The following FGF13 variants were observed in gnomAD, a reference collection of about 807,000 sequenced individuals.
The protein encoded by FGF13 is fibroblast growth factor homologous factor 2.
FGF13 carries 2 observed loss-of-function variants against 19.5 expected under a neutral mutation model. The observed-to-expected ratio is 0.10, with a 90% CI of 0.04 to 0.32. FGF13 has a LOEUF of 0.32. FGF13 is among the 10% of genes least tolerant of loss of function. The pLI, the probability that FGF13 is intolerant of heterozygous loss-of-function variation, is 1.00. For missense variants in FGF13, 113 were observed against 192.7 expected, an observed-to-expected ratio of 0.59 and a Z score of 2.45; for synonymous variants, 72 against 76.9, an observed-to-expected ratio of 0.94 and a Z score of 0.33.
chrX:138,923,693 T>A (rs183657071), intron 1 of FGF13, among the ~76,000 whole-genome samples: 37 of 112,012 alleles, frequency 3.3e-4, no homozygotes, highest in African/African-American at 1.2e-3. Flanking sequence ...ATATGTCTCC[T>A]CCTCTTTCAC....
intron 3 of FGF13, among the ~76,000 whole-genome samples, chrX:138,809,585 GT>G (rs2090903614): frequency 9.0e-6 from 1 of 111,448 alleles, no homozygotes; most frequent in Non-Finnish European, 1.9e-5. Flanking sequence ...AGTGTTTGAA[GT>G]TCTGGCCAGG....
intron 3 of FGF13, among the ~76,000 whole-genome samples, chrX:138,693,755 C>T (rs951187712): frequency 2.7e-5 from 3 of 111,416 alleles, no homozygotes; most frequent in Admixed American, 9.5e-5. Flanking sequence ...AGTTAAAATA[C>T]CTTTGTGCCT....
intron 3 of FGF13, among the ~76,000 whole-genome samples, chrX:138,769,284 G>C (rs1288856662): frequency 9.0e-6 from 1 of 111,206 alleles, no homozygotes; most frequent in African/African-American, 3.3e-5. Context: ...GTAACATGGC[G>C]GGGTGGTTAA....
intron 1 of FGF13, among the ~76,000 whole-genome samples, chrX:138,898,220 C>T (rs2091513670): frequency 8.9e-6 from 1 of 111,844 alleles, no homozygotes; most frequent in African/African-American, 3.2e-5. Context: ...GAACAGCATT[C>T]CATTGCACAC....
chrX:138,756,574 T>C (rs1240338736), intron 3 of FGF13, among the ~76,000 whole-genome samples: 1 of 112,701 alleles, frequency 8.9e-6, no homozygotes, highest in African/African-American at 3.2e-5. Context: ...GCAAGGACCC[T>C]TGCCAGTGCC....
intron 3 of FGF13, among the ~76,000 whole-genome samples, chrX:138,638,294 T>G (rs1284059496): frequency 8.9e-6 from 1 of 112,174 alleles, no homozygotes; most frequent in Non-Finnish European, 1.9e-5. Context: ...TCTTCCAGTG[T>G]CATTCACCAC....
At chrX:138,708,558 C>A (rs1033414836) in intron 2 of FGF13, among the ~76,000 whole-genome samples, 2 of 111,821 alleles carry the variant, frequency 1.8e-5, no homozygotes, top group African/African-American at 6.5e-5. Flanking sequence ...CAAAGGATAG[C>A]CATAAATCTA....
intron 1 of FGF13, among the ~76,000 whole-genome samples, chrX:138,907,083 CG>C (rs1459183649): frequency 6.3e-5 from 7 of 111,317 alleles, no homozygotes; most frequent in African/African-American, 2.3e-4. Context: ...TTGGCTAGGA[CG>C]GTAGAGTTAG....
chrX:139,019,051 A>C (rs907528780), intron 1 of FGF13, among the ~76,000 whole-genome samples: 1 of 111,496 alleles, frequency 9.0e-6, no homozygotes, highest in Non-Finnish European at 1.9e-5. Context: ...TAAGCTGTAC[A>C]TTTCATAGAA....
At chrX:138,759,448 G>C (rs1602796815) in intron 3 of FGF13, among the ~76,000 whole-genome samples, 1 of 112,530 alleles carries the variant, frequency 8.9e-6, no homozygotes, top group Middle Eastern at 4.6e-3. Context: ...CTGTTTCTCT[G>C]AACAAGCAAA....
chrX:138,990,124 T>C (rs1258132809), intron 1 of FGF13, among the ~76,000 whole-genome samples: 7 of 111,179 alleles, frequency 6.3e-5, no homozygotes, highest in Admixed American at 3.8e-4. Context: ...TTTCCAGAAA[T>C]ACACTGAATG....
chrX:138,850,668 G>A (rs966276124), intron 3 of FGF13, among the ~76,000 whole-genome samples: 1 of 112,038 alleles, frequency 8.9e-6, no homozygotes, highest in African/African-American at 3.2e-5. Context: ...AAGTGACTTT[G>A]AAATAAAAAG....
intron 1 of FGF13, among the ~76,000 whole-genome samples, chrX:139,171,609 TGAC>T (rs2084133582): frequency 9.0e-6 from 1 of 111,667 alleles, no homozygotes; most frequent in South Asian, 3.7e-4. Flanking sequence ...CCTGTAGTAA[TGAC>T]TTTCATTTTG....
chrX:138,676,610 T>C (rs1355063342), intron 3 of FGF13, among the ~76,000 whole-genome samples: 2 of 110,974 alleles, frequency 1.8e-5, no homozygotes, highest in Non-Finnish European at 3.8e-5. Context: ...TTTCCACGGA[T>C]GGGGGTGGTG....
At chrX:139,004,373 G>C (rs1056490134) in intron 1 of FGF13, among the ~76,000 whole-genome samples, 1 of 112,627 alleles carries the variant, frequency 8.9e-6, no homozygotes, top group Admixed American at 9.3e-5. Context: ...GCCGGCAAGC[G>C]CCGCACGCAG....
chrX:138,622,125 C>T lies in FGF13; in HGVS notation c.*10725G>A, dbSNP rs2089020191. On this transcript the variant is annotated 3_prime_UTR_variant, in exon 5 of 5. Coordinates refer to ENST00000315930, the MANE Select transcript of FGF13 (RefSeq NM_004114.5). ...CTATGAAACCAGCATTATTCTCCTACCAAAGCCAGGCAAGGACACTACAAG... is the reference window on the plus strand; with the variant it reads ...CTATGAAACCAGCATTATTCTCCTATCAAAGCCAGGCAAGGACACTACAAG... 9.1e-6 allele frequency: 1 copy of T among 109,892 alleles called. No individual in the cohort carries two copies. The highest frequency in any genetic ancestry group is 3.9e-4 in the South Asian group (1 of 2,593). The allele number at this position is 109,892 out of a possible 1,213,427, so 9.1% of individuals were successfully genotyped here.
intron 3 of FGF13, among the ~76,000 whole-genome samples, chrX:138,846,809 G>C (rs2091186656): frequency 8.9e-6 from 1 of 112,294 alleles, no homozygotes; most frequent in Admixed American, 9.4e-5. Flanking sequence ...TCTAGGAACA[G>C]ATCTATTGCA....
At chrX:138,753,828 T>C (rs2090414251) in intron 3 of FGF13, among the ~76,000 whole-genome samples, 1 of 112,383 alleles carries the variant, frequency 8.9e-6, no homozygotes, top group African/African-American at 3.2e-5. Flanking sequence ...GATCTGATGC[T>C]AGGCTTCTAA....
chrX:139,134,791 G>A (rs2083787297), intron 1 of FGF13, among the ~76,000 whole-genome samples: 1 of 112,051 alleles, frequency 8.9e-6, no homozygotes. Flanking sequence ...TGGGATTACA[G>A]GCACCCATCC....
Sources: allele counts gnomAD v4.1 joint callset (sites outside exome capture counted in the v4.1 genomes callset), GRCh38; gene constraint gnomAD v4.1.1; transcripts MANE v1.5; gene names NCBI Gene and HGNC (gene_info 2026-07-23, HGNC 2026-07-21).